LINS1: variants seen among roughly 807,000 people sequenced by gnomAD.
LINS1 encodes the protein lines homolog 1.
A neutral mutation model predicts 41.6 loss-of-function variants in LINS1; 27 were observed. The ratio of observed to expected loss-of-function variants is 0.65; its 90% confidence interval spans 0.48 to 0.89. LINS1 has a LOEUF of 0.89. Ranked by LOEUF, LINS1 falls within the 40% of genes least tolerant of loss-of-function variation. The pLI is 0.00. For missense variants in LINS1, 955 were observed against 884.1 expected (o/e 1.08, Z -1.02); for synonymous variants, 336 against 312.9 (o/e 1.07, Z -0.78).
intron 4 of LINS1, among the ~76,000 whole-genome samples, chr15:100,574,719 C>T (rs2038056649): frequency 6.6e-6 from 1 of 152,070 alleles, no homozygotes. Context: ...AAAAATAAAA[C>T]AAAACAAAAC....
rs529994652 is a variant in LINS1, at chr15:100,573,629, CA to C, written c.1222+21del. 5.6e-4 allele frequency: 790 copies of C among 1,408,268 alleles called. 4 individuals carry two copies. The African/African-American group carries it at 9.3e-3, about 17-fold the overall frequency. The allele number at this position is 1,408,268 out of a possible 1,614,324, so 87.2% of individuals were successfully genotyped here. Reference sequence around the variant, plus strand: ...TAAGTAAATAATTACACACTGCATACAAAAGGAGTTTGGAGAATTACCTTTC... The same window carrying C: ...TAAGTAAATAATTACACACTGCATACAAAGGAGTTTGGAGAATTACCTTTC... On this transcript the variant is annotated intron_variant, in intron 5 of 6. Coordinates refer to ENST00000314742, the MANE Select transcript of LINS1 (RefSeq NM_001040616.3).
At position 100,569,199 on chromosome 15, in the gene LINS1, T is replaced by C; in HGVS notation, c.*39A>G. ...TACCTCATTGAGACATAATTTATAT[T>C]AAGGAAAAACAATACCTGGAAAATA... On this transcript the variant is annotated 3_prime_UTR_variant, in exon 7 of 7. Transcript: ENST00000314742. The C allele has an allele frequency of 7.2e-7, 1 of 1,395,348 alleles. No homozygotes were observed. Among genetic ancestry groups the C allele is most frequent in the Non-Finnish European group, 1.0e-6 (1 of 986,584 alleles). 86.4% of individuals were successfully genotyped at this position (1,395,348 alleles called of 1,614,324 possible). A position where few individuals can be genotyped will look rare whatever the true frequency, so the allele number is the denominator to read the frequency against.
At chr15:100,600,161 G>A (rs914988190) in intron 1 of LINS1, among the ~76,000 whole-genome samples, 7 of 152,180 alleles carry the variant, frequency 4.6e-5, no homozygotes, top group African/African-American at 7.2e-5. Flanking sequence ...TAAAAATTTA[G>A]AAACGGTGTT....
At chr15:100,597,308 A>G (rs1284150755) in intron 1 of LINS1, among the ~76,000 whole-genome samples, 2 of 151,650 alleles carry the variant, frequency 1.3e-5, no homozygotes, top group East Asian at 3.9e-4. Context: ...AATGCTGGAC[A>G]TTAGAATCAT....
chr15:100,572,612 G>A lies in LINS1; in HGVS notation c.1223-547C>T. The A allele has an allele frequency of 4.0e-6, 4 of 988,256 alleles. No individual in the cohort carries two copies. The South Asian group carries it at 1.3e-4, about 33-fold the overall frequency. 61.2% of individuals were successfully genotyped at this position (988,256 alleles called of 1,614,324 possible). The stretch of plus-strand genomic sequence containing the variant: ...CCATCTAGTGTTATAAATTAAAACT[G>A]CACAGAATTATAACTAATGTGTAGT... On this transcript the variant is annotated intron_variant, in intron 5 of 6. Transcript: ENST00000314742.
intron 3 of LINS1, among the ~76,000 whole-genome samples, chr15:100,578,263 G>C (rs2038309818): frequency 6.6e-6 from 1 of 152,006 alleles, no homozygotes; most frequent in African/African-American, 2.4e-5. Flanking sequence ...GAAAATTTTT[G>C]CAATCTACTC....
chr15:100,600,268 A>T (rs1419677719), intron 1 of LINS1, among the ~76,000 whole-genome samples: 1 of 152,176 alleles, frequency 6.6e-6, no homozygotes, highest in African/African-American at 2.4e-5. Context: ...TTCCTCACAG[A>T]GACCAAATGG....
intron 1 of LINS1, among the ~76,000 whole-genome samples, chr15:100,600,551 C>CATAAAAAAA (rs1555436243): frequency 1.3e-5 from 1 of 79,674 alleles, no homozygotes; most frequent in Non-Finnish European, 2.2e-5. Context: ...TGCTGTTAAG[C>CATAAAAAAA]AAAAAAAAAA....
intron 1 of LINS1, among the ~76,000 whole-genome samples, chr15:100,597,559 T>C (rs899444971): frequency 1.3e-5 from 2 of 152,266 alleles, no homozygotes; most frequent in Non-Finnish European, 2.9e-5. Context: ...TATATGCTAA[T>C]GCTAAGCATT....
At chr15:100,599,256 T>C (rs2039371063) in intron 1 of LINS1, among the ~76,000 whole-genome samples, 1 of 152,218 alleles carries the variant, frequency 6.6e-6, no homozygotes, top group African/African-American at 2.4e-5. Context: ...TATTAACTTG[T>C]TATAAATATT....
chr15:100,595,698 C>A (rs1345824137), intron 1 of LINS1, among the ~76,000 whole-genome samples: 1 of 152,200 alleles, frequency 6.6e-6, no homozygotes, highest in East Asian at 1.9e-4. Context: ...TTACTAGTTT[C>A]TTTATATGAT....
rs2037613291 is a variant in LINS1 at position 100,567,921 on chromosome 15, ATATTT to A, written c.*1312_*1316del. On this transcript the variant is annotated 3_prime_UTR_variant, in exon 7 of 7. Coordinates refer to ENST00000314742, the MANE Select transcript of LINS1 (RefSeq NM_001040616.3). ...GTTTCGAATACCATAGCCTTAATAT[ATATTT>A]TAATGTGCGGTAGGTTTAGTCTTTG... 1 of 152,306 alleles carries A rather than the reference ATATTT, an allele frequency of 6.6e-6. No individual in the cohort carries two copies. Among genetic ancestry groups the A allele is most frequent in the African/African-American group, 2.4e-5 (1 of 41,568 alleles). 9.4% of individuals were successfully genotyped at this position (152,306 alleles called of 1,614,324 possible). A position where few individuals can be genotyped will look rare whatever the true frequency, so the allele number is the denominator to read the frequency against.
At chr15:100,595,246 G>A (rs2039195682) in intron 1 of LINS1, among the ~76,000 whole-genome samples, 1 of 151,732 alleles carries the variant, frequency 6.6e-6, no homozygotes, top group African/African-American at 2.4e-5. Context: ...ACCCTAAGAA[G>A]ATGAGAAGAC....
intron 4 of LINS1, 66 bp downstream of exon 4, chr15:100,574,921 C>G: frequency 6.6e-7 from 1 of 1,524,464 alleles, no homozygotes; most frequent in South Asian, 1.1e-5. Context: ...AGTTTTGTTT[C>G]TCATTATAAA....
intron 1 of LINS1, among the ~76,000 whole-genome samples, chr15:100,587,199 A>G (rs1371916474): frequency 1.4e-5 from 2 of 143,496 alleles, no homozygotes; most frequent in Non-Finnish European, 3.1e-5. Context: ...CAGTTTGGCA[A>G]TTCTTTAATA....
At chr15:100,572,487 T>C (rs1276755695) in intron 5 of LINS1, 2 of 1,066,798 alleles carry the variant, frequency 1.9e-6, no homozygotes, top group African/African-American at 3.4e-5. Flanking sequence ...AACATATTTT[T>C]TGTTTGTTTA....
At chr15:100,578,691 A>C (rs989505338) in intron 3 of LINS1, among the ~76,000 whole-genome samples, 1 of 152,144 alleles carries the variant, frequency 6.6e-6, no homozygotes, top group Non-Finnish European at 1.5e-5. Context: ...ACCCAAAGGA[A>C]TATAAATCAT....
intron 3 of LINS1, among the ~76,000 whole-genome samples, chr15:100,577,444 T>G (rs1443637058): frequency 6.6e-6 from 1 of 151,984 alleles, no homozygotes; most frequent in African/African-American, 2.4e-5. Flanking sequence ...GAGAATAAAA[T>G]ACCTAGGAAT....
chr15:100,569,705 C>A lies in LINS1; in HGVS notation c.1807G>T (p.Ala603Ser). The A allele has an allele frequency of 1.2e-6, 2 of 1,613,886 alleles. No homozygotes were observed. The highest frequency in any genetic ancestry group is 4.5e-5 in the East Asian group (2 of 44,882). The part of the protein sequence containing the change: ...ASDAPSEPLK[A>S]VMSKGAHTMC... ...GTGTGAGCCCCCTTGGACATCACAG[C>A]TTTCAGTGGTTCAGAGGGAGCATCG... The change falls in exon 7 of 7, where the codon GCT (alanine) becomes TCT (serine). Residue 603 changes from alanine to serine, a missense_variant. Ala to Ser is a moderately conservative substitution (Grantham distance 99). Transcript: ENST00000314742.
Sources: gnomAD v4.1 joint callset for allele counts (sites outside exome capture counted in the v4.1 genomes callset) on GRCh38, gnomAD v4.1.1 for gene constraint, MANE v1.5 for transcripts, NCBI Gene and HGNC (gene_info 2026-07-23, HGNC 2026-07-21) for gene names.